The following NPSR1 variants were observed in gnomAD, a reference collection of about 807,000 sequenced individuals.
NPSR1 encodes the protein neuropeptide S receptor 1, also known as neuropeptide S receptor.
In NPSR1, 48 loss-of-function variants were observed where a neutral mutation model predicts 46.9. The observed-to-expected ratio is 1.02, with a 90% CI of 0.81 to 1.30. The LOEUF (loss-of-function observed/expected upper bound fraction) is 1.30. NPSR1 is among the 50% of genes most tolerant of loss of function. The pLI is 0.00. For missense variants in NPSR1, 450 were observed against 449.5 expected (o/e 1.00, Z -0.01); for synonymous variants, 176 against 168.1 (o/e 1.05, Z -0.36).
intron 1 of NPSR1, among the ~76,000 whole-genome samples, chr7:34,679,764 A>C (rs1792520402): frequency 6.6e-6 from 1 of 152,166 alleles, no homozygotes; most frequent in Non-Finnish European, 1.5e-5. Context: ...AAAATGTGTA[A>C]ACAAAAATTA....
At chr7:34,808,410 T>A (rs1242246249) in intron 3 of NPSR1, among the ~76,000 whole-genome samples, 1 of 152,184 alleles carries the variant, frequency 6.6e-6, no homozygotes, top group Non-Finnish European at 1.5e-5. Flanking sequence ...TATATCTCTA[T>A]CAAGGTTAAA....
chr7:34,783,410 A>C (rs533807614), intron 3 of NPSR1, among the ~76,000 whole-genome samples: 41 of 152,266 alleles, frequency 2.7e-4, no homozygotes, highest in African/African-American at 7.5e-4. Context: ...TATCATGAGA[A>C]TACCATGGGG....
intron 6 of NPSR1, among the ~76,000 whole-genome samples, chr7:34,837,012 G>A (rs866811973): frequency 5.9e-5 from 9 of 152,180 alleles, no homozygotes; most frequent in South Asian, 2.1e-4. Flanking sequence ...TTTACTTAGC[G>A]GAATATATAT....
At chr7:34,859,777 G>A (rs955926263) in intron 8 of NPSR1, among the ~76,000 whole-genome samples, 4 of 151,718 alleles carry the variant, frequency 2.6e-5, no homozygotes, top group African/African-American at 7.3e-5. Context: ...CTGGGTTCTG[G>A]GTAGAACATG....
chr7:34,669,040 T>C (rs1791902721), intron 1 of NPSR1, among the ~76,000 whole-genome samples: 1 of 152,138 alleles, frequency 6.6e-6, no homozygotes, highest in Non-Finnish European at 1.5e-5. Context: ...TAATAGTTAA[T>C]AATCCAAAAA....
intron 1 of NPSR1, among the ~76,000 whole-genome samples, chr7:34,664,143 A>G (rs10243849): frequency 0.18 from 27,071 of 152,172 alleles, 3,531 homozygotes; most frequent in African/African-American, 0.36. Context: ...AAGTAAACTC[A>G]GGCTTTTGAG....
intron 6 of NPSR1, among the ~76,000 whole-genome samples, chr7:34,836,663 GAAGA>G (rs757472544): frequency 5.8e-4 from 83 of 143,888 alleles, no homozygotes; most frequent in African/African-American, 2.1e-3. Context: ...AAGACAGAAA[GAAGA>G]AAGAAAGAGA....
chr7:34,757,253 T>A (rs752133931), intron 2 of NPSR1, among the ~76,000 whole-genome samples: 3 of 152,220 alleles, frequency 2.0e-5, no homozygotes, highest in Non-Finnish European at 4.4e-5. Flanking sequence ...ACACTTTGAA[T>A]AGTCACTCCT....
chr7:34,873,587 G>A (rs914202252), intron 8 of NPSR1, among the ~76,000 whole-genome samples: 11 of 151,506 alleles, frequency 7.3e-5, no homozygotes, highest in Non-Finnish European at 1.5e-4. Flanking sequence ...AGAGAGAGGT[G>A]GAGGTATCAC....
At chr7:34,764,224 A>C (rs970737636) in intron 2 of NPSR1, among the ~76,000 whole-genome samples, 2 of 152,242 alleles carry the variant, frequency 1.3e-5, no homozygotes, top group Non-Finnish European at 2.9e-5. Context: ...TTCTTTAACC[A>C]ATGTTTTAAT....
At position 34,864,108 on chromosome 7, in the gene NPSR1, A is replaced by G. The variant is rs1791251903; in HGVS notation, c.1026-13968A>G. ...GAAGCTGGAAACCATCATTCTCAGCAAACTAACACAGGAACAGAAAACCAA... is the reference window on the plus strand; with the variant it reads ...GAAGCTGGAAACCATCATTCTCAGCGAACTAACACAGGAACAGAAAACCAA... On this transcript the variant is annotated intron_variant, in intron 8 of 8. Coordinates refer to the NPSR1 transcript ENST00000359791. Among the ~76,000 whole-genome samples the G allele has an allele frequency of 2.6e-5, 4 of 151,884 alleles. No homozygotes were observed. In the South Asian group the frequency reaches 8.3e-4, roughly 31 times the overall value.
intron 1 of NPSR1, 27 bp downstream of exon 1, chr7:34,658,586 C>T (rs760346819): frequency 6.2e-7 from 1 of 1,609,074 alleles, no homozygotes; most frequent in South Asian, 1.1e-5. Flanking sequence ...CGACTCTGAA[C>T]ACTGACTTAT....
At chr7:34,860,748 C>T (rs922079491) in intron 8 of NPSR1, among the ~76,000 whole-genome samples, 1 of 151,792 alleles carries the variant, frequency 6.6e-6, no homozygotes, top group Non-Finnish European at 1.5e-5. Context: ...CATGACAGAA[C>T]AAAAATGAAA....
chr7:34,873,573 A>T (rs13438423), intron 8 of NPSR1, among the ~76,000 whole-genome samples: 1 of 151,490 alleles, frequency 6.6e-6, no homozygotes, highest in African/African-American at 2.4e-5. Flanking sequence ...TCAGAGCAGG[A>T]GCAAGAGAGA....
chr7:34,715,031 T>G (rs1301674291), intron 2 of NPSR1, among the ~76,000 whole-genome samples: 1 of 152,154 alleles, frequency 6.6e-6, no homozygotes, highest in African/African-American at 2.4e-5. Flanking sequence ...TCCATCATAC[T>G]CCCTCTATCT....
At chr7:34,798,824 T>G (rs1240086478) in intron 3 of NPSR1, among the ~76,000 whole-genome samples, 1 of 152,154 alleles carries the variant, frequency 6.6e-6, no homozygotes, top group Admixed American at 6.5e-5. Flanking sequence ...GAAGGATAGC[T>G]GAAAATTTTC....
In NPSR1 at chr7:34,806,716, G is replaced by A. The variant is rs189334511; in HGVS notation, c.385-5054G>A. 4.1e-4 allele frequency among the ~76,000 whole-genome samples: 63 copies of A among 152,220 alleles called. No individual in the cohort carries two copies. The East Asian group carries it at 0.011, about 27-fold the overall frequency. ...AGTTTTAACAAATGAACTACAAGAT[G>A]TTAATGACAAGGAAAAGTATATAGA... On this transcript the variant is annotated intron_variant, in intron 3 of 8. Coordinates refer to ENST00000360581, the MANE Select transcript of NPSR1 (RefSeq NM_207172.2).
intron 2 of NPSR1, among the ~76,000 whole-genome samples, chr7:34,691,746 T>G (rs371354537): frequency 6.6e-6 from 1 of 151,428 alleles, no homozygotes; most frequent in African/African-American, 2.4e-5. Context: ...CAAAGATGAA[T>G]AGAAAAAAAA....
intron 2 of NPSR1, among the ~76,000 whole-genome samples, chr7:34,692,074 T>C (rs1249268669): frequency 6.6e-6 from 1 of 152,046 alleles, no homozygotes; most frequent in African/African-American, 2.4e-5. Context: ...GAGGTTACAG[T>C]AAGCACCACT....
Sources: gnomAD v4.1 joint callset for allele counts (sites outside exome capture counted in the v4.1 genomes callset) on GRCh38, gnomAD v4.1.1 for gene constraint, MANE v1.5 for transcripts, NCBI Gene and HGNC (gene_info 2026-07-23, HGNC 2026-07-21) for gene names.